Variants in TAFA2 observed in about 807,000 individuals in gnomAD.
TAFA2 encodes the protein chemokine-like protein TAFA-2.
Under a neutral mutation model 18.8 loss-of-function variants are expected in TAFA2, and 7 were observed. The ratio of observed to expected loss-of-function variants is 0.37; its 90% confidence interval spans 0.21 to 0.70. The LOEUF (loss-of-function observed/expected upper bound fraction) is 0.70. Among genes scored for constraint, TAFA2 ranks in the 30% least tolerant of loss-of-function variants. TAFA2 has a pLI of 0.53. For synonymous variants in TAFA2, 60 were observed against 54.2 expected (o/e 1.11, Z -0.47); for missense variants, 122 against 158.1 (o/e 0.77, Z 1.23).
At chr12:62,111,782 G>T (rs1289910502) in intron 1 of TAFA2, among the ~76,000 whole-genome samples, 11 of 152,120 alleles carry the variant, frequency 7.2e-5, no homozygotes, top group Admixed American at 5.2e-4. Flanking sequence ...TTTAAAGTCT[G>T]TTTTATCAGA....
At chr12:61,988,252 C>A (rs147835430) in intron 1 of TAFA2, among the ~76,000 whole-genome samples, 3 of 152,034 alleles carry the variant, frequency 2.0e-5, no homozygotes, top group African/African-American at 4.8e-5. Context: ...TCCCTTTTCA[C>A]TTCCCAATAG....
intron 2 of TAFA2, among the ~76,000 whole-genome samples, chr12:61,789,219 T>C (rs1477131163): frequency 6.6e-6 from 1 of 151,962 alleles, no homozygotes; most frequent in Non-Finnish European, 1.5e-5. Flanking sequence ...TCTTTGCCCA[T>C]GCCTATGTCC....
At chr12:62,015,147 T>C (rs1300577305) in intron 1 of TAFA2, among the ~76,000 whole-genome samples, 1 of 152,222 alleles carries the variant, frequency 6.6e-6, no homozygotes, top group Non-Finnish European at 1.5e-5. Flanking sequence ...CCATCCTTGA[T>C]CTTTCTGGTA....
chr12:61,721,181 T>TA (rs887595201), intron 4 of TAFA2, among the ~76,000 whole-genome samples: 17 of 150,534 alleles, frequency 1.1e-4, no homozygotes, highest in African/African-American at 2.2e-4. Flanking sequence ...ACAAGAAATT[T>TA]AAAAAAAAAG....
At position 61,710,369 on chromosome 12, in the gene TAFA2, T is replaced by C; in HGVS notation, c.*37A>G. 3.7e-6 allele frequency: 6 copies of C among 1,602,530 alleles called. No individual in the cohort carries two copies. Among genetic ancestry groups the C allele is most frequent in the Non-Finnish European group, 5.1e-6 (6 of 1,169,832 alleles). The stretch of plus-strand genomic sequence containing the variant: ...GTTAAGTTTCTATGCGCATGTTCAA[T>C]GTCATCAGCCTTGAGGATCACTTGA... On this transcript the variant is annotated 3_prime_UTR_variant, in exon 5 of 5. Transcript: ENST00000416284.
chr12:61,774,801 C>A (rs140375607), intron 2 of TAFA2, among the ~76,000 whole-genome samples: 1 of 151,198 alleles, frequency 6.6e-6, no homozygotes, highest in Admixed American at 6.6e-5. Flanking sequence ...TCTGCATAAA[C>A]CTATTGAAAT....
intron 4 of TAFA2, among the ~76,000 whole-genome samples, chr12:61,714,280 G>C (rs1307644557): frequency 6.6e-6 from 1 of 152,234 alleles, no homozygotes; most frequent in African/African-American, 2.4e-5. Context: ...TTACATAGCT[G>C]TTCTTTTTTA....
At chr12:62,088,816 T>C (rs1381537713) in intron 1 of TAFA2, among the ~76,000 whole-genome samples, 2 of 151,964 alleles carry the variant, frequency 1.3e-5, no homozygotes, top group East Asian at 3.9e-4. Flanking sequence ...ATTATTATTT[T>C]GCATTCTGAA....
intron 1 of TAFA2, among the ~76,000 whole-genome samples, chr12:62,215,531 T>C (rs1460767921): frequency 7.2e-5 from 9 of 125,168 alleles, no homozygotes; most frequent in Non-Finnish European, 1.2e-4. Flanking sequence ...GCAGCCACAG[T>C]CTCTGCTGGA....
At chr12:61,872,548 G>A (rs1407815547) in intron 1 of TAFA2, among the ~76,000 whole-genome samples, 2 of 151,908 alleles carry the variant, frequency 1.3e-5, no homozygotes, top group South Asian at 2.1e-4. Context: ...TTAAAATCCC[G>A]GAATTTACCT....
chr12:62,022,303 G>A, intron 1 of TAFA2: 1 of 191,940 alleles, frequency 5.2e-6, no homozygotes, highest in South Asian at 1.1e-4. Flanking sequence ...GTTTTAAGAA[G>A]GTCTATGACA....
chr12:61,989,468 G>A (rs1879926935), intron 1 of TAFA2, among the ~76,000 whole-genome samples: 1 of 151,010 alleles, frequency 6.6e-6, no homozygotes, highest in Non-Finnish European at 1.5e-5. Flanking sequence ...ATTCCTGGCT[G>A]ACAAGGAATA....
chr12:62,068,784 T>C (rs1317753042), intron 1 of TAFA2, among the ~76,000 whole-genome samples: 1 of 152,160 alleles, frequency 6.6e-6, no homozygotes, highest in Non-Finnish European at 1.5e-5. Context: ...CAAGAATCAC[T>C]GGGAAATAAG....
chr12:61,798,412 A>C (rs1047888289), intron 2 of TAFA2, among the ~76,000 whole-genome samples: 1 of 152,166 alleles, frequency 6.6e-6, no homozygotes, highest in African/African-American at 2.4e-5. Context: ...CGTAAGTTAC[A>C]CATAAAATTT....
intron 2 of TAFA2, among the ~76,000 whole-genome samples, chr12:61,787,570 G>A (rs890703402): frequency 1.3e-5 from 2 of 151,656 alleles, no homozygotes; most frequent in African/African-American, 4.8e-5. Context: ...AAATTGTGAA[G>A]AGGAGGACGA....
At chr12:62,051,951 A>C (rs1882065324) in intron 1 of TAFA2, among the ~76,000 whole-genome samples, 1 of 152,146 alleles carries the variant, frequency 6.6e-6, no homozygotes, top group African/African-American at 2.4e-5. Context: ...CTGCCTTTGT[A>C]GTATGAAAGC....
chr12:61,899,590 G>T (rs1876007196), intron 1 of TAFA2, among the ~76,000 whole-genome samples: 1 of 152,040 alleles, frequency 6.6e-6, no homozygotes. Flanking sequence ...GAACAACATG[G>T]GAATCTGTCT....
At chr12:62,094,254 T>G (rs143090950) in intron 1 of TAFA2, among the ~76,000 whole-genome samples, 21 of 152,178 alleles carry the variant, frequency 1.4e-4, no homozygotes, top group African/African-American at 4.8e-4. Context: ...ATATTGTGTG[T>G]TCTCACTTAT....
At chr12:62,103,270 C>A (rs149437620) in intron 1 of TAFA2, among the ~76,000 whole-genome samples, 130 of 152,316 alleles carry the variant, frequency 8.5e-4, no homozygotes, top group African/African-American at 3.0e-3. Context: ...ACTACTTCTT[C>A]AAATCTGTAA....
Sources: gnomAD v4.1 joint callset for allele counts (sites outside exome capture counted in the v4.1 genomes callset) on GRCh38, gnomAD v4.1.1 for gene constraint, MANE v1.5 for transcripts, NCBI Gene and HGNC (gene_info 2026-07-23, HGNC 2026-07-21) for gene names.